The following TMC6 variants were observed in gnomAD, a reference collection of about 807,000 sequenced individuals.
TMC6 encodes transmembrane channel like 6, also known as transmembrane channel-like protein 6.
A neutral mutation model predicts 95.4 loss-of-function variants in TMC6; 71 were observed. The observed-to-expected ratio is 0.74, with a 90% CI of 0.61 to 0.91. The LOEUF is 0.91. Among genes scored for constraint, TMC6 ranks in the 40% least tolerant of loss-of-function variants. TMC6 has a pLI of 0.00. For missense variants in TMC6, 1,074 were observed against 1,079.1 expected (o/e 1.00, Z 0.07); for synonymous variants, 514 against 483.1 (o/e 1.06, Z -0.84).
intron 18 of TMC6, among the ~76,000 whole-genome samples, chr17:78,115,704 C>CTGCCGGGTG (rs1468451057): frequency 3.6e-5 from 1 of 27,462 alleles, no homozygotes; most frequent in Non-Finnish European, 7.1e-5. Flanking sequence ...GGCACAGGGG[C>CTGCCGGGTG]GAAGGGAGTG....
In TMC6 at chr17:78,108,292, T is replaced by C. The variant is rs76171073; in HGVS notation, c.*4856A>G. 675 of 154,556 alleles carry C rather than the reference T, an allele frequency of 4.4e-3. 3 individuals are homozygous for C. The highest frequency in any genetic ancestry group is 0.015 in the African/African-American group (637 of 41,614). 9.6% of individuals were successfully genotyped at this position (154,556 alleles called of 1,614,324 possible). The stretch of plus-strand genomic sequence containing the variant: ...GGGGAAGGTGGTGTGCTGCTGGCTC[T>C]GACCATACTCTTTTGGAAATTGAGA... On this transcript the variant is annotated 3_prime_UTR_variant, in exon 20 of 20. Coordinates refer to ENST00000590602, the MANE Select transcript of TMC6 (RefSeq NM_001127198.5).
At position 78,117,659 on chromosome 17, in the gene TMC6, G is replaced by GA; in HGVS notation, c.2022-16dup. On this transcript the variant is annotated splice_polypyrimidine_tract_variant and intron_variant, in intron 16 of 19. Transcript: ENST00000590602. ...AGGGCTTCACCCTGGGGAAGATGCCGACCAGGAACCCTCACCCCGAGCAAC... is the reference window on the plus strand; with the variant it reads ...AGGGCTTCACCCTGGGGAAGATGCCGAACCAGGAACCCTCACCCCGAGCAAC... 6.4e-7 allele frequency: 1 copy of GA among 1,560,886 alleles called. No homozygotes were observed. The highest frequency in any genetic ancestry group is 8.7e-7 in the Non-Finnish European group (1 of 1,153,130).
In TMC6 at chr17:78,117,645, C is replaced by G. The variant is rs202217062; in HGVS notation, c.2022-1G>C. 34 of 1,567,460 alleles carry G rather than the reference C, an allele frequency of 2.2e-5. No individual in the cohort carries two copies. The African/African-American group carries it at 4.3e-4, about 20-fold the overall frequency. On this transcript the variant is annotated splice_acceptor_variant, in intron 16 of 19. Transcript: ENST00000590602. LOFTEE classifies it high-confidence loss of function. Reference sequence around the variant, plus strand: ...GCCGCAGGTGCTCGAGGGCTTCACCCTGGGGAAGATGCCGACCAGGAACCC... The same window carrying G: ...GCCGCAGGTGCTCGAGGGCTTCACCGTGGGGAAGATGCCGACCAGGAACCC...
intron 15 of TMC6, among the ~76,000 whole-genome samples, 166 bp downstream of exon 15, chr17:78,118,805 C>T (rs2074261694): frequency 6.6e-6 from 1 of 152,238 alleles, no homozygotes; most frequent in Non-Finnish European, 1.5e-5. Context: ...CAAGAGGGGT[C>T]AGCCGTCCCT....
In TMC6 at chr17:78,122,549, A is replaced by G; in HGVS notation, c.1227+56T>C. On this transcript the variant is annotated intron_variant, in intron 10 of 19. Coordinates refer to ENST00000590602, the MANE Select transcript of TMC6 (RefSeq NM_001127198.5). This position sits in a 1 kb window ranked among gnomAD's most constrained non-coding sequence, Gnocchi z 4.9. ...TGGTCACATGGTCCTAAGTGGACCC[A>G]GGGCCAGGCCTGCAGGGAGCTGGGC... 3 of 1,599,376 alleles carry G rather than the reference A, an allele frequency of 1.9e-6. No homozygotes were observed. Among genetic ancestry groups the G allele is most frequent in the Non-Finnish European group, 2.5e-6 (3 of 1,179,028 alleles).
Position 78,120,670 on chromosome 17 carries a change from A to G in TMC6, c.1698T>C (p.Phe566=), listed in dbSNP as rs757818144. The G allele has an allele frequency of 1.4e-5, 22 of 1,613,888 alleles. No homozygotes were observed. The highest frequency in any genetic ancestry group is 1.7e-5 in the Non-Finnish European group (20 of 1,180,008). ...DFVLMLLDTL[F]GELVWRIISE... is the part of the protein sequence containing the mutation. The stretch of plus-strand genomic sequence containing the variant: ...CCCCTCACCTCCACACCAGTTCCCC[A>G]AAAAGCGTGTCCAGCAACATGAGGA... The change falls in exon 13 of 20, where the codon TTT becomes TTC. Residue 566 remains phenylalanine (F), a synonymous_variant. Transcript: ENST00000590602.
In TMC6 at chr17:78,121,665, C is replaced by A. The variant is rs1207084893; in HGVS notation, c.1274G>T (p.Cys425Phe). The A allele has an allele frequency of 1.9e-6, 3 of 1,602,358 alleles. 1 individual carries two copies. In the South Asian group the frequency reaches 3.3e-5, roughly 18 times the overall value. The change falls in exon 11 of 20, where the codon TGC becomes TTC. Residue 425 changes from cysteine (C) to phenylalanine (F), a missense_variant. Coordinates refer to ENST00000590602, the MANE Select transcript of TMC6 (RefSeq NM_001127198.5). The surrounding 1 kb of genome is among the most constrained non-coding windows in gnomAD (Gnocchi z 5.6). ...WQLRHSPRSV[C>F]GRLRQAAVLG... ...CACAGCCGCCTGCCGCAGCCTCCCG[C>A]ACACGCTCCTGGGGCTGTGCCGCAG...
chr17:78,126,980 G>A (rs2074751632), intron 1 of TMC6, 74 bp from the exon 2 acceptor site: 4 of 914,126 alleles, frequency 4.4e-6, no homozygotes, highest in Non-Finnish European at 6.9e-6. Context: ...CATTCCTGGG[G>A]GAACCACAGG....
upstream of TMC6, chr17:78,128,798 CGGGGGGGGGG>C (rs549646681): frequency 1.3e-5 from 1 of 75,228 alleles, no homozygotes; most frequent in Non-Finnish European, 2.9e-5. The surrounding 1 kb of genome is among the most constrained non-coding windows in gnomAD (Gnocchi z 4.0). Context: ...CCCACGTGGG[CGGGGGGGGGG>C]GGGGCGGGCC....
At position 78,117,501 on chromosome 17, in the gene TMC6, G is replaced by A; in HGVS notation, c.2165C>T (p.Thr722Ile). ...PWVHRYLMEN[T>I]FFVFLVSALL... is the part of the protein sequence containing the mutation. ...GGCTGACACCAGGAAGACAAAGAAG[G>A]TGTTTTCCATCAGGTACCGGTGCAC... is the stretch of plus-strand genomic sequence containing the variant. The change falls in exon 17 of 20, where the codon ACC becomes ATC. Residue 722 changes from threonine to isoleucine, a missense_variant. Physicochemically the swap from Thr to Ile is moderately conservative, Grantham distance 89. Transcript: ENST00000590602. The A allele has an allele frequency of 6.2e-7, 1 of 1,608,964 alleles. No individual in the cohort carries two copies. The highest frequency in any genetic ancestry group is 8.5e-7 in the Non-Finnish European group (1 of 1,178,890).
At position 78,118,321 on chromosome 17, in the gene TMC6, C is replaced by A. The variant is rs371483825; in HGVS notation, c.1888-386G>T. On this transcript the variant is annotated intron_variant, in intron 15 of 19. Coordinates refer to ENST00000590602, the MANE Select transcript of TMC6 (RefSeq NM_001127198.5). ...CCTGTAATCCCAGCACTTTGGGAGG[C>A]TGAGGTGGGCGATCACAAGGTCAGG... is the stretch of plus-strand genomic sequence containing the variant. 3.4e-5 allele frequency: 11 copies of A among 324,432 alleles called. No individual in the cohort carries two copies. In the East Asian group the frequency reaches 5.6e-4, roughly 17 times the overall value. The allele number at this position is 324,432 out of a possible 1,614,324, so 20.1% of individuals were successfully genotyped here.
chr17:78,124,243 G>C, intron 8 of TMC6, 64 bp from the exon 9 acceptor site: 2 of 1,591,352 alleles, frequency 1.3e-6, no homozygotes, highest in Non-Finnish European at 1.7e-6. Flanking sequence ...CCTCAGGCCT[G>C]ACAGCCACAG....
chr17:78,132,315 C>A, upstream of TMC6: 1 of 1,607,936 alleles, frequency 6.2e-7, no homozygotes, highest in South Asian at 1.1e-5. Flanking sequence ...GCGGCCCCAG[C>A]CCCGGCCCCG....
chr17:78,117,553 C>T lies in TMC6; in HGVS notation c.2113G>A (p.Gly705Ser). 1 of 1,597,696 alleles carries T rather than the reference C, an allele frequency of 6.3e-7. No individual in the cohort carries two copies. The highest frequency in any genetic ancestry group is 8.5e-7 in the Non-Finnish European group (1 of 1,173,792). The change falls in exon 17 of 20, where the codon GGC (glycine) becomes AGC (serine). Residue 705 changes from glycine (G) to serine (S), a missense_variant. Coordinates refer to ENST00000590602, the MANE Select transcript of TMC6 (RefSeq NM_001127198.5). The stretch of plus-strand genomic sequence containing the variant: ...CAGGGCAGCCAGGAGACCCTGGGGC[C>T]TGCCGCCTCCAGGTGGCGCACCCAC... ...RVWVRHLEAA[G>S]PRVSWLPWVH...
In TMC6 at chr17:78,113,014, T is replaced by A. The variant is rs2073868426; in HGVS notation, c.*134A>T. ...AGCCGGATTCACCCACCCTTCCAGC[T>A]CCAGCCTAGGCGCAGCTGCGGCTTT... On this transcript the variant is annotated 3_prime_UTR_variant, in exon 20 of 20. Coordinates refer to ENST00000590602, the MANE Select transcript of TMC6 (RefSeq NM_001127198.5). The A allele has an allele frequency of 1.9e-6, 2 of 1,038,008 alleles. No homozygotes were observed. The highest frequency in any genetic ancestry group is 2.8e-5 in the South Asian group (2 of 70,418). The allele number at this position is 1,038,008 out of a possible 1,614,324, so 64.3% of individuals were successfully genotyped here.
At chr17:78,131,459 G>C, upstream of TMC6, 1 of 1,353,308 alleles carries the variant, frequency 7.4e-7, no homozygotes, top group Non-Finnish European at 1.0e-6. Context: ...GCGCAGAGGG[G>C]ACGGAAGGGC....
At chr17:78,116,133 C>A (rs570722209) in intron 18 of TMC6, among the ~76,000 whole-genome samples, 1 of 151,880 alleles carries the variant, frequency 6.6e-6, no homozygotes, top group African/African-American at 2.4e-5. Context: ...GACGCCACCA[C>A]GCCCAGCTGA....
chr17:78,117,103 C>T (rs1004781954), intron 18 of TMC6, among the ~76,000 whole-genome samples, 166 bp downstream of exon 18: 1 of 152,184 alleles, frequency 6.6e-6, no homozygotes, highest in African/African-American at 2.4e-5. Flanking sequence ...ACGGCTACTT[C>T]GTCACTTGAT....
chr17:78,132,254 G>A (rs781137960), upstream of TMC6: 10 of 1,457,780 alleles, frequency 6.9e-6, no homozygotes, highest in Admixed American at 1.9e-5. Context: ...GCGGGTGGGA[G>A]CCTGGCGGGC....
Sources: allele counts gnomAD v4.1 joint callset (sites outside exome capture counted in the v4.1 genomes callset), GRCh38; gene constraint gnomAD v4.1.1; non-coding constraint Gnocchi (gnomAD v3.1); transcripts MANE v1.5; gene names NCBI Gene and HGNC (gene_info 2026-07-23, HGNC 2026-07-21).